BLTP1: variants seen among roughly 807,000 people sequenced by gnomAD.
BLTP1 encodes fragile site-associated protein.
At chr4:122,219,293 TTACA>T in the BLTP1 span, 179 of 1,592,714 alleles carry the variant, frequency 1.1e-4, no homozygotes, top group Non-Finnish European at 1.4e-4. Flanking sequence ...GAAAATATAT[TTACA>T]TACCTCTTTT....
chr4:122,334,017 G>T, the BLTP1 span, among the ~76,000 whole-genome samples: 15 of 152,088 alleles, frequency 9.9e-5, no homozygotes, highest in African/African-American at 3.6e-4. Flanking sequence ...TTGATGGAAA[G>T]AAGTTCGGTT....
At chr4:122,174,554 T>C in the BLTP1 span, 4 of 1,605,088 alleles carry the variant, frequency 2.5e-6, no homozygotes, top group Non-Finnish European at 2.5e-6. Context: ...TTAACTGCTG[T>C]TTTTTCCTTC....
At chr4:122,318,135 T>G in the BLTP1 span, 9 of 1,592,272 alleles carry the variant, frequency 5.7e-6, no homozygotes, top group Admixed American at 1.7e-4. Context: ...GCCATATTTG[T>G]TTTGCATCCA....
chr4:122,152,391 G>T, the BLTP1 span: 3 of 985,208 alleles, frequency 3.0e-6, no homozygotes, highest in Non-Finnish European at 3.6e-6. Flanking sequence ...TTGGGTGTCG[G>T]TGGCTGCGGC....
chr4:122,244,973 A>G, the BLTP1 span: 1 of 1,590,466 alleles, frequency 6.3e-7, no homozygotes, highest in Non-Finnish European at 8.6e-7. Context: ...ACTAAGTTGT[A>G]GAATCAACGA....
the BLTP1 span, chr4:122,292,590 C>A: frequency 1.1e-6 from 1 of 925,940 alleles, no homozygotes; most frequent in Non-Finnish European, 1.3e-6. Flanking sequence ...GGTAATATAA[C>A]ATGAAGATTT....
chr4:122,332,041 C>G, the BLTP1 span, among the ~76,000 whole-genome samples: 2 of 151,868 alleles, frequency 1.3e-5, no homozygotes, highest in Admixed American at 1.3e-4. Context: ...ACAGGATTAA[C>G]ATTTTTTTCT....
the BLTP1 span, chr4:122,247,680 T>A: frequency 9.4e-7 from 1 of 1,058,924 alleles, no homozygotes; most frequent in Middle Eastern, 4.6e-4. Flanking sequence ...ACATGATCTT[T>A]ATAGTCTTTC....
At chr4:122,237,001 G>GA in the BLTP1 span, 6 of 985,210 alleles carry the variant, frequency 6.1e-6, no homozygotes, top group Admixed American at 1.8e-4. Context: ...GAAGGTCAGT[G>GA]AGCACTATGT....
At chr4:122,234,831 G>C in the BLTP1 span, 3 of 1,613,290 alleles carry the variant, frequency 1.9e-6, no homozygotes, top group Non-Finnish European at 2.5e-6. Flanking sequence ...AAACAAATGT[G>C]GTTGTCTCGG....
At chr4:122,325,342 A>G in the BLTP1 span, 1 of 1,585,130 alleles carries the variant, frequency 6.3e-7, no homozygotes, top group Non-Finnish European at 8.6e-7. Context: ...ATAATTTGTT[A>G]GAGATATACA....
the BLTP1 span, chr4:122,249,071 TA>T: frequency 1.1e-6 from 1 of 942,460 alleles, no homozygotes; most frequent in Non-Finnish European, 1.3e-6. Context: ...TATGTCAGTA[TA>T]AAACAGTCTT....
chr4:122,264,801 A>G, the BLTP1 span, among the ~76,000 whole-genome samples: 4 of 152,234 alleles, frequency 2.6e-5, no homozygotes, highest in Admixed American at 6.5e-5. Flanking sequence ...GTAAAAAACT[A>G]TAGATGTAGA....
the BLTP1 span, among the ~76,000 whole-genome samples, chr4:122,212,330 C>T: frequency 4.6e-3 from 693 of 152,232 alleles, 5 homozygotes; most frequent in Middle Eastern, 6.8e-3. Flanking sequence ...CACTTTTCTT[C>T]CTTCTTGTGA....
chr4:122,301,706 A>G, the BLTP1 span, among the ~76,000 whole-genome samples: 3 of 152,132 alleles, frequency 2.0e-5, no homozygotes, highest in African/African-American at 7.2e-5. Flanking sequence ...AGTTGTAACA[A>G]TTTATTCAGC....
the BLTP1 span, chr4:122,164,569 C>A: frequency 4.4e-6 from 1 of 227,244 alleles, no homozygotes; most frequent in Non-Finnish European, 7.3e-6. Flanking sequence ...ACATTGATCA[C>A]TTAACTTGCC....
chr4:122,254,069 A>C, the BLTP1 span: 1 of 814,954 alleles, frequency 1.2e-6, no homozygotes, highest in South Asian at 2.0e-5. Context: ...TCAAACCTGA[A>C]GGAGAAGTAA....
the BLTP1 span, chr4:122,277,185 A>C: frequency 1.6e-6 from 1 of 632,144 alleles, no homozygotes; most frequent in Non-Finnish European, 2.0e-6. Context: ...AAAAATTTAA[A>C]AACAAGTTAG....
chr4:122,164,859 A>G, the BLTP1 span, among the ~76,000 whole-genome samples: 57 of 152,292 alleles, frequency 3.7e-4, no homozygotes, highest in African/African-American at 1.2e-3. Flanking sequence ...CTAATGAAAT[A>G]CACCCATGTC....
Sources: gnomAD v4.1 joint callset for allele counts (sites outside exome capture counted in the v4.1 genomes callset) on GRCh38, gnomAD v4.1.1 for gene constraint, MANE v1.5 for transcripts, NCBI Gene and HGNC (gene_info 2026-07-23, HGNC 2026-07-21) for gene names.